Variants in PDIA6 observed in about 807,000 individuals in gnomAD.
PDIA6 encodes the protein protein disulfide isomerase family A member 6, also known as protein disulfide-isomerase A6.
In PDIA6, 29 loss-of-function variants were observed where a neutral mutation model predicts 58.4. That is an observed-to-expected ratio of 0.50 (90% CI 0.37 to 0.68). The LOEUF is 0.68. PDIA6 is among the 30% of genes least tolerant of loss of function. The pLI, the probability that PDIA6 is intolerant of heterozygous loss-of-function variation, is 0.00. For synonymous variants in PDIA6, 192 were observed against 202.6 expected (o/e 0.95, Z 0.44); for missense variants, 480 against 551.0 (o/e 0.87, Z 1.29).
At chr2:10,810,539 T>C (rs1489613) in intron 1 of PDIA6, 515,505 of 935,588 alleles carry the variant, frequency 0.55, 144,627 homozygotes, top group Middle Eastern at 0.61. Flanking sequence ...TTTCTAGTAA[T>C]GGTGAGGGAC....
At chr2:10,803,547 A>G (rs2148554545) in intron 1 of PDIA6, among the ~76,000 whole-genome samples, 1 of 152,342 alleles carries the variant, frequency 6.6e-6, no homozygotes, top group African/African-American at 2.4e-5. Flanking sequence ...CCTTATAAAG[A>G]CAGGATACAG....
Position 10,789,906 on chromosome 2 carries a change from A to G in PDIA6, c.700-17T>C. The G allele has an allele frequency of 6.2e-7, 1 of 1,606,920 alleles. No individual in the cohort carries two copies. On this transcript the variant is annotated splice_polypyrimidine_tract_variant and intron_variant, in intron 7 of 12. Coordinates refer to ENST00000272227, the MANE Select transcript of PDIA6 (RefSeq NM_005742.4). Reference sequence around the variant, plus strand: ...TCCTCTAATCTATTAAAAAAAGGTCAGAGGATAAAATCCAATTAACACTTA... The same window carrying G: ...TCCTCTAATCTATTAAAAAAAGGTCGGAGGATAAAATCCAATTAACACTTA...
At chr2:10,835,920 G>A (rs542356525), upstream of PDIA6, among the ~76,000 whole-genome samples, 11 of 152,206 alleles carry the variant, frequency 7.2e-5, no homozygotes, top group East Asian at 1.7e-3. Flanking sequence ...GCGTGGTGGC[G>A]GGCGCCTGTA....
At chr2:10,797,397 C>A (rs183570048) in intron 3 of PDIA6, among the ~76,000 whole-genome samples, 190 bp from the exon 4 acceptor site, 10 of 152,286 alleles carry the variant, frequency 6.6e-5, no homozygotes, top group Admixed American at 5.9e-4. Flanking sequence ...GAAATCAAAG[C>A]CCATGGAGGG....
chr2:10,837,372 G>A (rs373158843), upstream of PDIA6, among the ~76,000 whole-genome samples: 2 of 152,178 alleles, frequency 1.3e-5, no homozygotes, highest in Admixed American at 6.5e-5. Context: ...AGTTTGCAAA[G>A]ATGCACTCAA....
chr2:10,822,914 C>G (rs1667441331), intron 1 of PDIA6, among the ~76,000 whole-genome samples: 1 of 152,352 alleles, frequency 6.6e-6, no homozygotes, highest in East Asian at 1.9e-4. Flanking sequence ...TGTGAACCTC[C>G]CATGATGCCT....
chr2:10,789,189 GGA>G (rs1300966444), intron 8 of PDIA6, among the ~76,000 whole-genome samples: 2 of 152,224 alleles, frequency 1.3e-5, no homozygotes, highest in African/African-American at 4.8e-5. Context: ...CTGTGGTGGT[GGA>G]GGTGGGGTGA....
chr2:10,803,262 A>AT (rs2148554115), intron 1 of PDIA6, among the ~76,000 whole-genome samples: 1 of 152,284 alleles, frequency 6.6e-6, no homozygotes, highest in Non-Finnish European at 1.5e-5. Flanking sequence ...GGTTCAAGCA[A>AT]TTCTCCTGCT....
chr2:10,796,070 T>TC (rs1164989268), intron 4 of PDIA6, among the ~76,000 whole-genome samples: 1 of 151,466 alleles, frequency 6.6e-6, no homozygotes, highest in East Asian at 1.9e-4. Context: ...CTTTTTTTTT[T>TC]TTTTTTTTTG....
intron 4 of PDIA6, among the ~76,000 whole-genome samples, chr2:10,795,360 C>A (rs1666220376): frequency 6.6e-6 from 1 of 152,098 alleles, no homozygotes; most frequent in African/African-American, 2.4e-5. Flanking sequence ...GTGAGGAAAA[C>A]TAAAACAAAT....
intron 2 of PDIA6, among the ~76,000 whole-genome samples, chr2:10,801,171 G>C (rs941582394): frequency 6.6e-6 from 1 of 152,068 alleles, no homozygotes; most frequent in Admixed American, 6.5e-5. Context: ...ACCAGTGCTG[G>C]GGAGGCTGAG....
intron 4 of PDIA6, among the ~76,000 whole-genome samples, chr2:10,796,238 A>G (rs977042685): frequency 8.5e-5 from 13 of 152,104 alleles, no homozygotes; most frequent in Non-Finnish European, 1.3e-4. Flanking sequence ...TATTTTTAGT[A>G]GAGACAGGGT....
intron 11 of PDIA6, among the ~76,000 whole-genome samples, chr2:10,786,006 A>G (rs998954696): frequency 1.3e-5 from 2 of 150,582 alleles, no homozygotes; most frequent in Non-Finnish European, 1.5e-5. Flanking sequence ...GAGCCACCGC[A>G]CCCAGCCCCA....
chr2:10,819,222 T>C, intron 2 of PDIA6: 1 of 1,129,970 alleles, frequency 8.8e-7, no homozygotes, highest in East Asian at 2.6e-5. Flanking sequence ...TTTCACCTTT[T>C]GGCTGTTGTG....
chr2:10,798,223 A>T (rs186695063), intron 2 of PDIA6, among the ~76,000 whole-genome samples: 1 of 152,190 alleles, frequency 6.6e-6, no homozygotes, highest in African/African-American at 2.4e-5. Flanking sequence ...AAATAGGATC[A>T]GCAACCTGGA....
chr2:10,830,706 T>C (rs1223056898), intron 1 of PDIA6, among the ~76,000 whole-genome samples: 1 of 152,226 alleles, frequency 6.6e-6, no homozygotes, highest in Non-Finnish European at 1.5e-5. Context: ...GAATGTGGCC[T>C]CAGACTTAGA....
upstream of PDIA6, among the ~76,000 whole-genome samples, chr2:10,834,765 TC>T (rs1667793342): frequency 3.3e-5 from 4 of 122,150 alleles, no homozygotes; most frequent in African/African-American, 1.2e-4. Context: ...CTTCCTTCCT[TC>T]CTTCCTTCCG....
intron 12 of PDIA6, chr2:10,784,585 T>C (rs1305301278): frequency 3.8e-6 from 2 of 524,832 alleles, no homozygotes; most frequent in Non-Finnish European, 6.7e-6. Flanking sequence ...TTGAGGAGGG[T>C]GGGACACAAC....
chr2:10,799,014 G>A (rs1490930933), intron 2 of PDIA6, among the ~76,000 whole-genome samples: 1 of 149,196 alleles, frequency 6.7e-6, no homozygotes, highest in Non-Finnish European at 1.5e-5. Flanking sequence ...TGACTGAGGT[G>A]GGGGGAGGCA....
Sources: gnomAD v4.1 joint callset for allele counts (sites outside exome capture counted in the v4.1 genomes callset) on GRCh38, gnomAD v4.1.1 for gene constraint, MANE v1.5 for transcripts, NCBI Gene and HGNC (gene_info 2026-07-23, HGNC 2026-07-21) for gene names.